Variants in CADPS observed in about 807,000 individuals in gnomAD.
CADPS encodes the protein calcium dependent secretion activator.
In CADPS, 57 loss-of-function variants were observed where a neutral mutation model predicts 167.3. That is an observed-to-expected ratio of 0.34 (90% CI 0.28 to 0.42). The LOEUF (loss-of-function observed/expected upper bound fraction) is 0.42, where lower values mean the gene tolerates loss of function less well. Among genes scored for constraint, CADPS ranks in the 20% least tolerant of loss-of-function variants. CADPS has a pLI of 1.00. For synonymous variants in CADPS, 676 were observed against 635.3 expected (o/e 1.06, Z -0.96); for missense variants, 1,414 against 1,738.1 (o/e 0.81, Z 3.32).
chr3:62,409,213 A>C (rs989853583), intron 28 of CADPS, among the ~76,000 whole-genome samples: 2 of 152,254 alleles, frequency 1.3e-5, no homozygotes, highest in African/African-American at 4.8e-5. Flanking sequence ...CAAGTTGGTT[A>C]TTTACCACTA....
At chr3:62,482,441 G>A (rs1199310443) in intron 21 of CADPS, among the ~76,000 whole-genome samples, 1 of 152,122 alleles carries the variant, frequency 6.6e-6, no homozygotes, top group African/African-American at 2.4e-5. Context: ...ACAGGTGTAT[G>A]GGCAATGGCA....
chr3:62,824,424 G>T (rs1032857634), intron 1 of CADPS, among the ~76,000 whole-genome samples: 19 of 152,162 alleles, frequency 1.2e-4, no homozygotes, highest in African/African-American at 4.6e-4. Flanking sequence ...CATCAGTTGT[G>T]AGAGTATTCC....
intron 6 of CADPS, among the ~76,000 whole-genome samples, chr3:62,593,567 C>T (rs1214485476): frequency 6.6e-6 from 1 of 152,194 alleles, no homozygotes; most frequent in East Asian, 1.9e-4. Flanking sequence ...GTCCAGGGCA[C>T]CTGTTCCATT....
In CADPS at chr3:62,656,150, T is replaced by G. The variant is rs939853027; in HGVS notation, c.970-5070A>C. Among the ~76,000 whole-genome samples, 13 of 152,282 alleles carry G rather than the reference T, an allele frequency of 8.5e-5. No homozygotes were observed. The Middle Eastern group carries it at 0.01, about 120-fold the overall frequency. ...TAGAGATCATAACATGAATATGTTT[T>G]GATCACTGACACACACAGCCTCTCT... is the stretch of plus-strand genomic sequence containing the variant. On this transcript the variant is annotated intron_variant, in intron 4 of 29. Transcript: ENST00000383710.
At chr3:62,528,664 C>G (rs2151919888) in intron 13 of CADPS, among the ~76,000 whole-genome samples, 1 of 152,272 alleles carries the variant, frequency 6.6e-6, no homozygotes, top group South Asian at 2.1e-4. Context: ...GAAACGGGAT[C>G]TGATACTCCT....
chr3:62,432,243 A>G (rs576352739), intron 28 of CADPS, among the ~76,000 whole-genome samples: 1 of 152,292 alleles, frequency 6.6e-6, no homozygotes, highest in South Asian at 2.1e-4. Flanking sequence ...TCATTATATC[A>G]TTTAGTCCTC....
At chr3:62,554,909 C>T (rs757277068) in intron 10 of CADPS, among the ~76,000 whole-genome samples, 3 of 152,076 alleles carry the variant, frequency 2.0e-5, no homozygotes, top group Non-Finnish European at 4.4e-5. Flanking sequence ...CGTGCCACCA[C>T]GTGCGGCTAA....
intron 10 of CADPS, among the ~76,000 whole-genome samples, chr3:62,556,123 CCAT>C (rs2078105961): frequency 6.6e-6 from 1 of 152,154 alleles, no homozygotes; most frequent in Non-Finnish European, 1.5e-5. Context: ...AGAACACAAA[CCAT>C]CACAGAATGT....
At chr3:62,599,481 C>G (rs1178570747) in intron 6 of CADPS, among the ~76,000 whole-genome samples, 4 of 109,346 alleles carry the variant, frequency 3.7e-5, no homozygotes, top group Non-Finnish European at 6.9e-5. Context: ...ACTGTGGTTT[C>G]TTTTATTATA....
chr3:62,696,446 T>C lies in CADPS; in HGVS notation c.889-34052A>G, dbSNP rs771128947. On this transcript the variant is annotated intron_variant, in intron 3 of 29. Transcript: ENST00000383710. ...TGCATCCCTGCCTCAGAAGTCTGCATATTAGACCCATAGGGCCCTGCCTCT... is the reference window on the plus strand; with the variant it reads ...TGCATCCCTGCCTCAGAAGTCTGCACATTAGACCCATAGGGCCCTGCCTCT... Among the ~76,000 whole-genome samples, 151 of 152,008 alleles carry C rather than the reference T, an allele frequency of 9.9e-4. 2 individuals are homozygous for C. The highest frequency in any genetic ancestry group is 2.4e-4 in the Non-Finnish European group (16 of 68,024).
At chr3:62,789,978 G>A (rs567630147) in intron 1 of CADPS, among the ~76,000 whole-genome samples, 1 of 151,810 alleles carries the variant, frequency 6.6e-6, no homozygotes, top group African/African-American at 2.4e-5. Flanking sequence ...CATAGTCCAT[G>A]CTCTCAGGGA....
chr3:62,662,296 A>G lies in CADPS; in HGVS notation c.969+18T>C, dbSNP rs1324776546. The G allele has an allele frequency of 1.2e-6, 2 of 1,609,216 alleles. No homozygotes were observed. The highest frequency in any genetic ancestry group is 2.2e-5 in the East Asian group (1 of 44,822). On this transcript the variant is annotated intron_variant, in intron 4 of 29. Transcript: ENST00000383710. The stretch of plus-strand genomic sequence containing the variant: ...ACTTTGGCCTGGACCCCAGCAAACA[A>G]CCACAATGTTTCCTTACCCTGGCTA...
At chr3:62,492,912 CA>C (rs952291151) in intron 19 of CADPS, among the ~76,000 whole-genome samples, 13 of 152,150 alleles carry the variant, frequency 8.5e-5, no homozygotes, top group African/African-American at 2.9e-4. Flanking sequence ...TGGTCTCATA[CA>C]AAAACTCAAG....
intron 1 of CADPS, among the ~76,000 whole-genome samples, chr3:62,781,298 G>C (rs2091547760): frequency 1.3e-5 from 2 of 152,166 alleles, no homozygotes; most frequent in African/African-American, 2.4e-5. Flanking sequence ...CCAAATATAA[G>C]AGCAGTGAAT....
Position 62,753,829 on chromosome 3 carries a change from G to A in CADPS, c.556-56C>T. ...AGGAGAGTTTACCACAGAGGTACCA[G>A]TTCCCTGGGGCTGGACACTGGGCCA... On this transcript the variant is annotated intron_variant, in intron 2 of 29. Transcript: ENST00000383710. This position sits in a 1 kb window ranked among gnomAD's most constrained non-coding sequence, Gnocchi z 4.6. 1 of 1,508,588 alleles carries A rather than the reference G, an allele frequency of 6.6e-7. No homozygotes were observed. The highest frequency in any genetic ancestry group is 1.3e-5 in the South Asian group (1 of 77,912). The allele number at this position is 1,508,588 out of a possible 1,614,324, so 93.5% of individuals were successfully genotyped here.
chr3:62,610,095 CA>C (rs1350126359), intron 6 of CADPS, among the ~76,000 whole-genome samples: 3 of 151,654 alleles, frequency 2.0e-5, no homozygotes, highest in African/African-American at 7.3e-5. Flanking sequence ...TCTGGAAAAA[CA>C]AACAAAAACA....
intron 4 of CADPS, among the ~76,000 whole-genome samples, chr3:62,659,721 T>C (rs1290066556): frequency 6.6e-6 from 1 of 152,202 alleles, no homozygotes; most frequent in Non-Finnish European, 1.5e-5. Flanking sequence ...TCTGGACCAA[T>C]CACGTGTGGC....
intron 3 of CADPS, among the ~76,000 whole-genome samples, chr3:62,707,373 G>C (rs960427013): frequency 1.3e-5 from 2 of 152,078 alleles, no homozygotes; most frequent in African/African-American, 4.8e-5. Context: ...ACCAGTCCGT[G>C]ATCCCAAAAA....
At chr3:62,719,528 A>C (rs926495913) in intron 3 of CADPS, among the ~76,000 whole-genome samples, 16 of 152,194 alleles carry the variant, frequency 1.1e-4, no homozygotes, top group African/African-American at 3.4e-4. Flanking sequence ...TGTCTTCCTC[A>C]ATGATCTGTA....
Sources: allele counts gnomAD v4.1 joint callset (sites outside exome capture counted in the v4.1 genomes callset), GRCh38; gene constraint gnomAD v4.1.1; non-coding constraint Gnocchi (gnomAD v3.1); transcripts MANE v1.5; gene names NCBI Gene and HGNC (gene_info 2026-07-23, HGNC 2026-07-21).